FBLN2: variants seen among roughly 807,000 people sequenced by gnomAD.
FBLN2 encodes the protein fibulin-2.
Under a neutral mutation model 123.7 loss-of-function variants are expected in FBLN2, and 81 were observed. The observed-to-expected ratio is 0.65, with a 90% confidence interval of 0.55 to 0.79. The LOEUF (loss-of-function observed/expected upper bound fraction) is 0.79. FBLN2 is among the 30% of genes least tolerant of loss of function. FBLN2 has a pLI of 0.00. For missense variants in FBLN2, 1,603 were observed against 1,681.3 expected (o/e 0.95, Z 0.81); for synonymous variants, 699 against 701.4 (o/e 1.00, Z 0.05).
chr3:13,629,792 C>A (rs1706190051), intron 13 of FBLN2, 28 bp from the exon 14 acceptor site: 2 of 1,555,628 alleles, frequency 1.3e-6, no homozygotes, highest in South Asian at 2.4e-5. Context: ...GGCCACCTAC[C>A]CTGTACCTGC....
chr3:13,629,028 A>G lies in FBLN2; in HGVS notation c.2693A>G (p.Asp898Gly). 1 of 1,613,266 alleles carries G rather than the reference A, an allele frequency of 6.2e-7. No individual in the cohort carries two copies. Among genetic ancestry groups the G allele is most frequent in the South Asian group, 1.1e-5 (1 of 91,064 alleles). The change falls in exon 12 of 18, where the codon GAT becomes GGT. Residue 898 changes from aspartate to glycine, a missense_variant. Physicochemically the swap from Asp to Gly is moderately conservative, Grantham distance 94 (BLOSUM62 -1). Transcript: ENST00000404922. ...TGCGCGCGCGGCTACCACGCCAGCG[A>G]TGATGGGACCAAGTGTGTGGGTAAG... ...LICARGYHASDDGTKCVDVNE... is the reference protein window; with the variant it reads ...LICARGYHASGDGTKCVDVNE...
rs769091712 is a variant in FBLN2, at chr3:13,637,622, C to T, written c.3399C>T (p.Ile1133=). The T allele has an allele frequency of 8.1e-6, 13 of 1,613,808 alleles. No homozygotes were observed. The East Asian group carries it at 1.3e-4, about 17-fold the overall frequency. ...AGTGCCAGAACTCGCCAGCGCGCAT[C>T]ACGCACTACCAGCTCAACTTCCAGA... ...FLECQNSPAR[I]THYQLNFQTG... is the part of the protein sequence containing the mutation. Residue 1133 remains isoleucine, a synonymous_variant, in exon 18 of 18, where the codon ATC becomes ATT. Transcript: ENST00000404922.
intron 1 of FBLN2, among the ~76,000 whole-genome samples, chr3:13,551,576 C>T (rs1703323497): frequency 6.6e-6 from 1 of 152,196 alleles, no homozygotes; most frequent in South Asian, 2.1e-4. Context: ...GCTCTTTGCC[C>T]CTCTTACTGA....
intron 2 of FBLN2, among the ~76,000 whole-genome samples, chr3:13,592,028 T>A (rs971825304): frequency 2.0e-5 from 3 of 150,722 alleles, no homozygotes; most frequent in East Asian, 3.9e-4. Flanking sequence ...CTTTTTTTTT[T>A]TTTTTTTTTA....
At chr3:13,614,255 G>A in intron 5 of FBLN2, 91 bp downstream of exon 5, 4 of 1,294,322 alleles carry the variant, frequency 3.1e-6, no homozygotes, top group Non-Finnish European at 3.2e-6. Flanking sequence ...ATCATCACCT[G>A]TGGCTTGAGA....
At chr3:13,620,814 C>T (rs367945670) in intron 8 of FBLN2, among the ~76,000 whole-genome samples, 6 of 152,328 alleles carry the variant, frequency 3.9e-5, no homozygotes, top group Non-Finnish European at 5.9e-5. Context: ...GCTGAAAGCC[C>T]GTGTCCATCC....
At chr3:13,583,851 GC>G (rs1704413686) in intron 2 of FBLN2, among the ~76,000 whole-genome samples, 1 of 152,218 alleles carries the variant, frequency 6.6e-6, no homozygotes, top group Admixed American at 6.5e-5. Context: ...CCTGCTTCCA[GC>G]CCCGTCCTCT....
intron 1 of FBLN2, among the ~76,000 whole-genome samples, chr3:13,561,071 C>A (rs933632960): frequency 6.6e-6 from 1 of 152,156 alleles, no homozygotes; most frequent in Non-Finnish European, 1.5e-5. Context: ...GGATACTGCC[C>A]GCCCCCATAG....
At chr3:13,593,692 C>A (rs1056220424) in intron 2 of FBLN2, among the ~76,000 whole-genome samples, 1 of 134,252 alleles carries the variant, frequency 7.4e-6, no homozygotes, top group South Asian at 2.3e-4. Flanking sequence ...CCAGCCTGGG[C>A]GACAGAGTGA....
chr3:13,578,154 T>A (rs749879505), intron 2 of FBLN2, among the ~76,000 whole-genome samples: 104 of 152,262 alleles, frequency 6.8e-4, no homozygotes, highest in Non-Finnish European at 8.7e-4. Flanking sequence ...TCTTTAATTT[T>A]AAAAACTAAC....
rs1193937574 is a variant in FBLN2, at chr3:13,552,479, TCCCCGA to T, written c.-42+3272_-42+3277del. Among the ~76,000 whole-genome samples the T allele has an allele frequency of 1.8e-4, 28 of 152,084 alleles. 1 individual carries two copies. Among genetic ancestry groups the T allele is most frequent in the African/African-American group, 6.8e-4 (28 of 41,398 alleles). The stretch of plus-strand genomic sequence containing the variant: ...CTGTCATCCAGTTTCCTTCCCCAGG[TCCCCGA>T]GTGTGGGTGGTGCAGGTGTCCGTGT... On this transcript the variant is annotated intron_variant, in intron 1 of 17. Transcript: ENST00000404922.
chr3:13,569,137 G>A, intron 1 of FBLN2: 1 of 789,434 alleles, frequency 1.3e-6, no homozygotes, highest in Non-Finnish European at 1.5e-6. Flanking sequence ...GGCCAGGGTG[G>A]AGGAGGGAGG....
rs567258923 is a variant in FBLN2, at chr3:13,608,422, G to A, written c.1418+249G>A. On this transcript the variant is annotated intron_variant, in intron 3 of 17. Transcript: ENST00000404922. ...GTAGCTGGCCTAGTGAGCAAGATCC[G>A]AGGAATGTACAATTTGAAACAAGTT... 2.6e-5 allele frequency among the ~76,000 whole-genome samples: 4 copies of A among 152,358 alleles called. No individual in the cohort carries two copies. The East Asian group carries it at 7.7e-4, about 29-fold the overall frequency.
chr3:13,633,849 G>A (rs1375417806), intron 16 of FBLN2, among the ~76,000 whole-genome samples: 1 of 152,136 alleles, frequency 6.6e-6, no homozygotes, highest in Non-Finnish European at 1.5e-5. Context: ...CATAGTAGGT[G>A]CTCATTGGAC....
At chr3:13,636,634 G>A in intron 17 of FBLN2, 66 bp downstream of exon 17, 1 of 1,552,520 alleles carries the variant, frequency 6.4e-7, no homozygotes, top group Non-Finnish European at 8.7e-7. Context: ...TCCAGGGAGA[G>A]GCTGAGAGAT....
intron 2 of FBLN2, among the ~76,000 whole-genome samples, chr3:13,577,968 C>A (rs1293922250): frequency 6.6e-6 from 1 of 152,152 alleles, no homozygotes; most frequent in African/African-American, 2.4e-5. Context: ...CCCCAGTCTC[C>A]CAGTGGAGGA....
In FBLN2 at chr3:13,628,801, G is replaced by A. The variant is rs1706139121; in HGVS notation, c.2570-104G>A. 16 of 1,377,962 alleles carry A rather than the reference G, an allele frequency of 1.2e-5. 1 individual carries two copies. In the South Asian group the frequency reaches 2.3e-4, roughly 19 times the overall value. The allele number at this position is 1,377,962 out of a possible 1,614,324, so 85.4% of individuals were successfully genotyped here. Reference sequence around the variant, plus strand: ...GGCCCTGCAACTCTGACCAGGGCAGGTCTGGAGCCCAGGACCGACCCCCTC... The same window carrying A: ...GGCCCTGCAACTCTGACCAGGGCAGATCTGGAGCCCAGGACCGACCCCCTC... On this transcript the variant is annotated intron_variant, in intron 11 of 17. Coordinates refer to ENST00000404922, the MANE Select transcript of FBLN2 (RefSeq NM_001004019.2).
chr3:13,614,687 C>T (rs1705529146), intron 5 of FBLN2, among the ~76,000 whole-genome samples: 1 of 148,858 alleles, frequency 6.7e-6, no homozygotes, highest in Non-Finnish European at 1.5e-5. Context: ...CCCACCCATC[C>T]ACCCATTCAC....
chr3:13,614,137 C>A lies in FBLN2; in HGVS notation c.1702C>A (p.Pro568Thr). 1 of 1,612,750 alleles carries A rather than the reference C, an allele frequency of 6.2e-7. No individual in the cohort carries two copies. The highest frequency in any genetic ancestry group is 1.1e-5 in the South Asian group (1 of 91,076). The change falls in exon 5 of 18, where the codon CCA becomes ACA. Residue 568 changes from proline to threonine, a missense_variant. Physicochemically the swap from Pro to Thr is conservative, Grantham distance 38. Transcript: ENST00000404922. The stretch of plus-strand genomic sequence containing the variant: ...CATAGTACCTGAGGTTCGCCGACCT[C>A]CAGAGCCCGCAGCTGCACCACGGAG... ...PLIVPEVRRP[P>T]EPAAAPRRVS... is the part of the protein sequence containing the mutation.
Sources: allele counts gnomAD v4.1 joint callset (sites outside exome capture counted in the v4.1 genomes callset), GRCh38; gene constraint gnomAD v4.1.1; transcripts MANE v1.5; gene names NCBI Gene and HGNC (gene_info 2026-07-23, HGNC 2026-07-21).